NRXN3: variants seen among roughly 807,000 people sequenced by gnomAD.
NRXN3 encodes the protein neurexin 3.
Under a neutral mutation model 137.6 loss-of-function variants are expected in NRXN3, and 32 were observed. The observed-to-expected ratio is 0.23, with a 90% CI of 0.18 to 0.31. The LOEUF (loss-of-function observed/expected upper bound fraction) is 0.31. Among genes scored for constraint, NRXN3 ranks in the 10% least tolerant of loss-of-function variants. The probability of loss-of-function intolerance (pLI) is 1.00; values close to 1 mark genes in which losing one functional copy is unlikely to be tolerated. For missense variants in NRXN3, 1,574 were observed against 2,062.5 expected (o/e 0.76, Z 4.59); for synonymous variants, 798 against 784.5 (o/e 1.02, Z -0.29).
chr14:79,272,705 C>A (rs2079535112), intron 15 of NRXN3, among the ~76,000 whole-genome samples: 1 of 152,156 alleles, frequency 6.6e-6, no homozygotes, highest in Non-Finnish European at 1.5e-5. Context: ...GGTTTCATAG[C>A]CTGCATTACC....
chr14:79,071,489 T>C (rs2099687716), intron 15 of NRXN3, among the ~76,000 whole-genome samples: 1 of 152,178 alleles, frequency 6.6e-6, no homozygotes, highest in Non-Finnish European at 1.5e-5. Flanking sequence ...ATATCACCCT[T>C]TTGTCATGTA....
At position 79,692,267 on chromosome 14, in the gene NRXN3, C is replaced by A; in HGVS notation, c.3706+5C>A. 6.3e-7 allele frequency: 1 copy of A among 1,593,438 alleles called. No homozygotes were observed. Among genetic ancestry groups the A allele is most frequent in the Non-Finnish European group, 8.6e-7 (1 of 1,168,468 alleles). ...AGGAGTGGCTGCAGGAAAAAGGTAA[C>A]CGTCATTAAAACTTTCATTTTAAAA... On this transcript the variant is annotated splice_donor_5th_base_variant and intron_variant, in intron 18 of 20. Coordinates refer to ENST00000335750, the MANE Select transcript of NRXN3 (RefSeq NM_001330195.2).
intron 15 of NRXN3, among the ~76,000 whole-genome samples, chr14:79,215,485 C>T (rs1386460088): frequency 6.6e-6 from 1 of 152,120 alleles, no homozygotes; most frequent in Non-Finnish European, 1.5e-5. Context: ...GTTTAATGTA[C>T]TCACAATTTC....
chr14:78,768,184 T>C (rs1407728237), intron 8 of NRXN3, among the ~76,000 whole-genome samples: 2 of 151,014 alleles, frequency 1.3e-5, no homozygotes, highest in Non-Finnish European at 1.5e-5. Flanking sequence ...TGTTTGTAAA[T>C]AAATTTATTT....
At chr14:78,753,529 C>G (rs1032802717) in intron 8 of NRXN3, among the ~76,000 whole-genome samples, 2 of 152,262 alleles carry the variant, frequency 1.3e-5, no homozygotes, top group Admixed American at 1.3e-4. Flanking sequence ...AGGAAAACTT[C>G]CTATTGCCCA....
chr14:79,510,639 C>T (rs1754599191), intron 16 of NRXN3, among the ~76,000 whole-genome samples: 1 of 152,070 alleles, frequency 6.6e-6, no homozygotes, highest in Admixed American at 6.6e-5. Context: ...TAGAACTACC[C>T]AGGAGGGTAG....
intron 15 of NRXN3, among the ~76,000 whole-genome samples, chr14:79,167,467 G>A (rs2061384067): frequency 6.6e-6 from 1 of 152,044 alleles, no homozygotes; most frequent in African/African-American, 2.4e-5. Flanking sequence ...AACAGTTTAT[G>A]ATGGATGACC....
intron 15 of NRXN3, chr14:79,279,740 A>G (rs1461929407): frequency 1.0e-6 from 1 of 987,324 alleles, no homozygotes; most frequent in African/African-American, 1.7e-5. Context: ...ACACCCGAAG[A>G]ACTCTTCCAC....
intron 1 of NRXN3, among the ~76,000 whole-genome samples, chr14:78,190,556 G>A (rs1280751377): frequency 6.6e-6 from 1 of 152,184 alleles, no homozygotes; most frequent in Non-Finnish European, 1.5e-5. Flanking sequence ...AACCAGCAGT[G>A]TTGTCTGATA....
intron 6 of NRXN3, among the ~76,000 whole-genome samples, chr14:78,673,111 T>C (rs1031929989): frequency 2.0e-5 from 3 of 152,240 alleles, no homozygotes; most frequent in Non-Finnish European, 4.4e-5. Flanking sequence ...ATTATCCTTA[T>C]GCAAATTTGG....
chr14:78,797,996 A>C (rs950594348), intron 8 of NRXN3, among the ~76,000 whole-genome samples: 1 of 152,196 alleles, frequency 6.6e-6, no homozygotes, highest in African/African-American at 2.4e-5. Flanking sequence ...CTACAACTCA[A>C]GATGAGATTT....
rs1470148154 is a variant in NRXN3, at chr14:79,467,205, C to G, written c.3263-16C>G. The G allele has an allele frequency of 3.1e-6, 5 of 1,588,736 alleles. No individual in the cohort carries two copies. The highest frequency in any genetic ancestry group is 4.3e-6 in the Non-Finnish European group (5 of 1,160,934). ...ATGTAGTGCCTTGATGTCTCCCTCT[C>G]TCCTTGCTTTTGCAGCTGGCGCTAC... On this transcript the variant is annotated splice_polypyrimidine_tract_variant and intron_variant, in intron 15 of 20. Coordinates refer to ENST00000335750, the MANE Select transcript of NRXN3 (RefSeq NM_001330195.2).
intron 16 of NRXN3, among the ~76,000 whole-genome samples, chr14:79,481,359 A>G (rs1375567117): frequency 3.3e-5 from 5 of 152,142 alleles, no homozygotes; most frequent in South Asian, 2.1e-4. Flanking sequence ...TGAGGAGGAT[A>G]TGTTCTGGGA....
At chr14:79,569,946 T>C (rs2153795097) in intron 16 of NRXN3, among the ~76,000 whole-genome samples, 1 of 152,220 alleles carries the variant, frequency 6.6e-6, no homozygotes, top group South Asian at 2.1e-4. Flanking sequence ...AAAAGAAGAA[T>C]CTACTTTAAA....
chr14:78,271,561 A>G (rs1415248891), intron 2 of NRXN3, among the ~76,000 whole-genome samples: 2 of 151,968 alleles, frequency 1.3e-5, no homozygotes, highest in Non-Finnish European at 1.5e-5. Context: ...CGCAACTGTC[A>G]AACCCTGTTT....
intron 15 of NRXN3, among the ~76,000 whole-genome samples, chr14:79,213,128 T>A (rs1186885679): frequency 1.3e-5 from 2 of 152,152 alleles, no homozygotes; most frequent in African/African-American, 4.8e-5. Context: ...TAGAAAATAC[T>A]CTATTTTCTT....
At chr14:78,702,828 G>A (rs560987875) in intron 6 of NRXN3, among the ~76,000 whole-genome samples, 56 of 152,254 alleles carry the variant, frequency 3.7e-4, no homozygotes, top group African/African-American at 1.3e-3. Flanking sequence ...AATTAATAGT[G>A]ATCGCCATCA....
chr14:78,434,873 G>C (rs941226496), intron 4 of NRXN3, among the ~76,000 whole-genome samples: 2 of 152,190 alleles, frequency 1.3e-5, no homozygotes, highest in Non-Finnish European at 2.9e-5. Context: ...CAGGTGGTGA[G>C]AAGAGAGGGA....
intron 3 of NRXN3, among the ~76,000 whole-genome samples, chr14:78,284,398 C>T (rs747466630): frequency 5.3e-5 from 8 of 152,150 alleles, no homozygotes; most frequent in Non-Finnish European, 7.3e-5. Flanking sequence ...TATCTCATGT[C>T]TCCCTAATAT....
Sources: allele counts gnomAD v4.1 joint callset (sites outside exome capture counted in the v4.1 genomes callset), GRCh38; gene constraint gnomAD v4.1.1; transcripts MANE v1.5; gene names NCBI Gene and HGNC (gene_info 2026-07-23, HGNC 2026-07-21).